The following MAP3K15 variants were observed in gnomAD, a reference collection of about 807,000 sequenced individuals.
MAP3K15 encodes mitogen-activated protein kinase kinase kinase 15, also known as MAPK/ERK kinase kinase 15.
A neutral mutation model predicts 99.5 loss-of-function variants in MAP3K15; 124 were observed. That is an observed-to-expected ratio of 1.25 (90% CI 1.08 to 1.45). The LOEUF (loss-of-function observed/expected upper bound fraction) is 1.45, where lower values mean the gene tolerates loss of function less well. Among genes scored for constraint, MAP3K15 ranks in the 40% most tolerant of loss-of-function variants. The pLI, the probability that MAP3K15 is intolerant of heterozygous loss-of-function variation, is 0.00. For synonymous variants in MAP3K15, 494 were observed against 439.6 expected, an observed-to-expected ratio of 1.12 and a Z score of -1.55; for missense variants, 1,242 against 1,079.7, an observed-to-expected ratio of 1.15 and a Z score of -2.11.
At chrX:19,453,415 G>C (rs959723067) in intron 6 of MAP3K15, among the ~76,000 whole-genome samples, 1 of 108,782 alleles carries the variant, frequency 9.2e-6, no homozygotes, top group Non-Finnish European at 1.9e-5. Context: ...CAGCAGAATC[G>C]CTTGAACCCG....
chrX:19,412,924 G>C (rs2063699944), intron 11 of MAP3K15, among the ~76,000 whole-genome samples: 2 of 108,842 alleles, frequency 1.8e-5, no homozygotes, highest in East Asian at 5.8e-4. Flanking sequence ...ATTTTTTATA[G>C]AGACGGGGTT....
intron 1 of MAP3K15, among the ~76,000 whole-genome samples, chrX:19,508,161 C>G (rs1051833997): frequency 9.0e-6 from 1 of 111,254 alleles, no homozygotes; most frequent in Non-Finnish European, 1.9e-5. Flanking sequence ...AGCCGCCACG[C>G]CCAGCCAGGA....
At chrX:19,406,731 C>T (rs1449842891) in intron 13 of MAP3K15, among the ~76,000 whole-genome samples, 5 of 112,822 alleles carry the variant, frequency 4.4e-5, no homozygotes, top group African/African-American at 1.3e-4. Flanking sequence ...AGTGGAGTTT[C>T]GCTCTTGTTC....
intron 18 of MAP3K15, among the ~76,000 whole-genome samples, chrX:19,382,233 G>A: frequency 1.3e-5 from 1 of 76,787 alleles, no homozygotes; most frequent in Non-Finnish European, 2.2e-5. Context: ...GACAGAGCGA[G>A]ACTCAGTCTC....
In MAP3K15 at chrX:19,407,271, A is replaced by C. The variant is rs375521492; in HGVS notation, c.1761T>G (p.Phe587Leu). 3.4e-6 allele frequency: 4 copies of C among 1,168,580 alleles called. No individual in the cohort carries two copies. The highest frequency in any genetic ancestry group is 4.6e-6 in the Non-Finnish European group (4 of 865,870). Residue 587 changes from phenylalanine (F) to leucine (L), a missense_variant, in exon 13 of 29, where the codon TTT becomes TTG. Transcript: ENST00000338883. Reference protein sequence around the residue: ...SSIKGISLSKFDERCCFLYVH... With the variant: ...SSIKGISLSKLDERCCFLYVH... ...CATAAAGAAAACAACACCTTTCATC[A>C]AACTTTGATAGGCTGTAAAATTTCA...
intron 6 of MAP3K15, among the ~76,000 whole-genome samples, chrX:19,445,949 A>AAAAAAAAT (rs2063994587): frequency 1.0e-5 from 1 of 100,068 alleles, no homozygotes; most frequent in Non-Finnish European, 2.0e-5. Context: ...CTCCATCTCA[A>AAAAAAAAT]AAATCAATAA....
At chrX:19,390,198 C>T (rs2147243339) in intron 18 of MAP3K15, among the ~76,000 whole-genome samples, 1 of 110,882 alleles carries the variant, frequency 9.0e-6, no homozygotes, top group Non-Finnish European at 1.9e-5. Flanking sequence ...AAAAATAAGA[C>T]CCAAGCTGTC....
At chrX:19,391,965 G>A (rs1602265858) in intron 18 of MAP3K15, 37 bp downstream of exon 18, 1 of 1,041,487 alleles carries the variant, frequency 9.6e-7, no homozygotes, top group Non-Finnish European at 1.3e-6. Flanking sequence ...GCGTAACTCT[G>A]GGATGGGCAC....
chrX:19,396,901 C>CTT (rs34707372), intron 15 of MAP3K15, among the ~76,000 whole-genome samples: 5 of 99,715 alleles, frequency 5.0e-5, no homozygotes, highest in Non-Finnish European at 8.2e-5. Context: ...TAAATTTAAA[C>CTT]TTTTTTTTTT....
At chrX:19,393,492 G>T (rs1477487249) in intron 16 of MAP3K15, among the ~76,000 whole-genome samples, 1 of 110,760 alleles carries the variant, frequency 9.0e-6, no homozygotes, top group Non-Finnish European at 1.9e-5. Flanking sequence ...TTAGCCAGGC[G>T]TGGTGGCACG....
chrX:19,374,338 A>G, intron 20 of MAP3K15, 139 bp downstream of exon 20: 1 of 539,258 alleles, frequency 1.9e-6, no homozygotes. Flanking sequence ...AGGCCCCGTC[A>G]CTCTTCACAA....
chrX:19,376,116 G>A (rs918262671), intron 19 of MAP3K15, among the ~76,000 whole-genome samples: 18 of 111,776 alleles, frequency 1.6e-4, no homozygotes, highest in African/African-American at 5.2e-4. Context: ...TCCTCTTTAA[G>A]GGTGCTTTGC....
In MAP3K15 at chrX:19,374,514, G is replaced by C. The variant is rs1569202266; in HGVS notation, c.2736C>G (p.Asn912Lys). ...LLREGFLRQV[N>K]KGKKNRIAFK... ...AGGCAATTCGGTTCTTCTTGCCCTT[G>C]TTCACCTGCCTTAAGAAACCCTCTC... Residue 912 changes from asparagine to lysine, a missense_variant, in exon 20 of 29, where the codon AAC becomes AAG. Transcript: ENST00000338883. 1 of 1,211,391 alleles carries C rather than the reference G, an allele frequency of 8.3e-7. No homozygotes were observed. The highest frequency in any genetic ancestry group is 3.0e-5 in the East Asian group (1 of 33,801).
intron 3 of MAP3K15, 118 bp from the exon 4 acceptor site, chrX:19,464,524 T>C: frequency 2.0e-6 from 1 of 512,410 alleles, no homozygotes; most frequent in South Asian, 3.4e-5. Flanking sequence ...AAACAATTCG[T>C]TCAATACGAC....
chrX:19,457,680 T>C (rs1351191000), intron 5 of MAP3K15, among the ~76,000 whole-genome samples: 1 of 112,063 alleles, frequency 8.9e-6, no homozygotes, highest in African/African-American at 3.2e-5. Flanking sequence ...GCTGGACAAA[T>C]ACACACAAGC....
intron 15 of MAP3K15, among the ~76,000 whole-genome samples, chrX:19,397,151 G>A (rs756028549): frequency 9.0e-6 from 1 of 110,742 alleles, no homozygotes; most frequent in East Asian, 2.8e-4. Context: ...TGAGCTGCCC[G>A]CCTCAGCCTC....
chrX:19,438,543 C>T (rs143737696), intron 6 of MAP3K15, among the ~76,000 whole-genome samples: 1 of 112,254 alleles, frequency 8.9e-6, no homozygotes, highest in Admixed American at 9.5e-5. Context: ...GTGCCTCAGT[C>T]CTTCACCTGA....
intron 1 of MAP3K15, among the ~76,000 whole-genome samples, chrX:19,512,649 T>TG (rs1013456509): frequency 1.0e-5 from 1 of 97,437 alleles, no homozygotes; most frequent in Admixed American, 1.1e-4. Context: ...CTGCTTTTTT[T>TG]TTTTTTTTTT....
At chrX:19,400,447 C>A in intron 14 of MAP3K15, 129 bp downstream of exon 14, 1 of 428,095 alleles carries the variant, frequency 2.3e-6, no homozygotes, top group Non-Finnish European at 4.1e-6. Context: ...CTCTGGGAAC[C>A]ATGCAGTGAT....
Sources: allele counts gnomAD v4.1 joint callset (sites outside exome capture counted in the v4.1 genomes callset), GRCh38; gene constraint gnomAD v4.1.1; transcripts MANE v1.5; gene names NCBI Gene and HGNC (gene_info 2026-07-23, HGNC 2026-07-21).